The following TRA2B variants were observed in gnomAD, a reference collection of about 807,000 sequenced individuals.
TRA2B encodes the protein transformer-2 protein homolog beta.
A neutral mutation model predicts 41.7 loss-of-function variants in TRA2B; 14 were observed. The observed-to-expected ratio is 0.34, with a 90% CI of 0.22 to 0.53. The LOEUF (loss-of-function observed/expected upper bound fraction) is 0.53, where lower values mean the gene tolerates loss of function less well. Among genes scored for constraint, TRA2B ranks in the 20% least tolerant of loss-of-function variants. The pLI is 0.95. For synonymous variants in TRA2B, 130 were observed against 128.8 expected, an observed-to-expected ratio of 1.01 and a Z score of -0.06; for missense variants, 167 against 396.8, an observed-to-expected ratio of 0.42 and a Z score of 4.92.
rs1375122889 is a variant in TRA2B, at chr3:185,931,886, TA to T, written c.37-5153del. 13 of 1,354,696 alleles carry T rather than the reference TA, an allele frequency of 9.6e-6. No individual in the cohort carries two copies. In the African/African-American group the frequency reaches 1.7e-4, roughly 17 times the overall value. The allele number at this position is 1,354,696 out of a possible 1,614,324, so 83.9% of individuals were successfully genotyped here. A position where few individuals can be genotyped will look rare whatever the true frequency, so the allele number is the denominator to read the frequency against. ...AAAAAGAACAGGATGAAGAATATTT[TA>T]AAACTCCAGGATAAAATCCAGTGCC... On this transcript the variant is annotated intron_variant, in intron 1 of 8. Transcript: ENST00000453386.
At chr3:185,917,794 G>T in intron 8 of TRA2B, 69 bp from the exon 9 acceptor site, 1 of 1,514,950 alleles carries the variant, frequency 6.6e-7, no homozygotes, top group Non-Finnish European at 9.1e-7. Context: ...TTAATGCCGA[G>T]AATTTCAGAA....
intron 1 of TRA2B, 89 bp downstream of exon 1, chr3:185,937,736 C>G (rs1744425391): frequency 1.3e-6 from 2 of 1,580,936 alleles, no homozygotes; most frequent in Non-Finnish European, 1.7e-6. Context: ...CCTAAAACGC[C>G]CCTGCCTCCT....
At chr3:185,921,916 G>A (rs959847298) in intron 5 of TRA2B, 95 bp downstream of exon 5, 8 of 817,780 alleles carry the variant, frequency 9.8e-6, no homozygotes, top group Non-Finnish European at 1.5e-5. Flanking sequence ...CAAGTTTATG[G>A]CACAAACCTA....
chr3:185,917,741 T>C lies in TRA2B; in HGVS notation c.857-16A>G. The C allele has an allele frequency of 6.2e-7, 1 of 1,612,034 alleles. No homozygotes were observed. Among genetic ancestry groups the C allele is most frequent in the East Asian group, 2.2e-5 (1 of 44,828 alleles). On this transcript the variant is annotated splice_polypyrimidine_tract_variant and intron_variant, in intron 8 of 8. Transcript: ENST00000453386. The stretch of plus-strand genomic sequence containing the variant: ...TAATAGCGACCTGGGAAGAAAAGAA[T>C]GAACATGCTTTAATATTAAGTGAAC...
chr3:185,922,237 T>G (rs1743770240), intron 4 of TRA2B, 111 bp from the exon 5 acceptor site: 4 of 651,108 alleles, frequency 6.1e-6, no homozygotes, highest in African/African-American at 5.5e-5. Flanking sequence ...TAAGTTATCT[T>G]AATGTTAGCC....
intron 1 of TRA2B, chr3:185,935,882 G>C: frequency 1.0e-6 from 1 of 985,112 alleles, no homozygotes; most frequent in Non-Finnish European, 1.2e-6. Context: ...GCCAGAAAGC[G>C]AAGACTCTTA....
At chr3:185,936,827 G>C (rs1744378340) in intron 1 of TRA2B, 1 of 985,134 alleles carries the variant, frequency 1.0e-6, no homozygotes, top group Non-Finnish European at 1.2e-6. Context: ...CCAATACCCA[G>C]AGCCCCACAG....
Position 185,934,835 on chromosome 3 carries a change from T to C in TRA2B, c.36+2990A>G, listed in dbSNP as rs1053990461. The C allele has an allele frequency of 4.1e-6, 4 of 985,334 alleles. No homozygotes were observed. The African/African-American group carries it at 5.2e-5, about 13-fold the overall frequency. 61.0% of individuals were successfully genotyped at this position (985,334 alleles called of 1,614,324 possible). On this transcript the variant is annotated intron_variant, in intron 1 of 8. Coordinates refer to ENST00000453386, the MANE Select transcript of TRA2B (RefSeq NM_004593.3). ...TGCTATTCATCTCTAATGATAAAGA[T>C]TACGTGCCTATGTTGCAATCACATC...
intron 2 of TRA2B, among the ~76,000 whole-genome samples, chr3:185,926,045 TTGAC>T (rs1743937291): frequency 6.6e-6 from 1 of 152,176 alleles, no homozygotes. Flanking sequence ...TGAGTGGCTC[TTGAC>T]TAACTAGAGT....
At chr3:185,934,751 A>G in intron 1 of TRA2B, 1 of 985,452 alleles carries the variant, frequency 1.0e-6, no homozygotes, top group Non-Finnish European at 1.2e-6. Context: ...AAGATTCAGC[A>G]GAAGATGAGA....
At chr3:185,925,961 T>C (rs544486209) in intron 2 of TRA2B, among the ~76,000 whole-genome samples, 29 of 152,294 alleles carry the variant, frequency 1.9e-4, no homozygotes, top group Non-Finnish European at 3.1e-4. Flanking sequence ...CTGTCTCCCA[T>C]TATGCCCACC....
intron 1 of TRA2B, chr3:185,937,523 C>A (rs1447824295): frequency 1.1e-5 from 11 of 1,020,556 alleles, no homozygotes; most frequent in Non-Finnish European, 1.4e-5. Flanking sequence ...TCGCTCCCCT[C>A]CCCCAACACC....
rs116501834 is a variant in TRA2B at position 185,937,962 on chromosome 3, G to A, written c.-102C>T. 3,492 of 1,448,516 alleles carry A rather than the reference G, an allele frequency of 2.4e-3. 57 individuals carry two copies. In the African/African-American group the frequency reaches 0.042, roughly 18 times the overall value. The allele number at this position is 1,448,516 out of a possible 1,614,324, so 89.7% of individuals were successfully genotyped here. A position where few individuals can be genotyped will look rare whatever the true frequency, so the allele number is the denominator to read the frequency against. ...CGCCGCAGCCCCGCACGACGCGCCGGTCGCCCAGCCGCTCAGAGCCGAAAT... is the reference window on the plus strand; with the variant it reads ...CGCCGCAGCCCCGCACGACGCGCCGATCGCCCAGCCGCTCAGAGCCGAAAT... On this transcript the variant is annotated 5_prime_UTR_variant, in exon 1 of 9. Coordinates refer to ENST00000453386, the MANE Select transcript of TRA2B (RefSeq NM_004593.3).
chr3:185,925,436 C>G (rs545587273), intron 3 of TRA2B, 28 bp downstream of exon 3: 1 of 1,605,936 alleles, frequency 6.2e-7, no homozygotes. Context: ...AGGCAGTTGA[C>G]TGCTTCAAAA....
At chr3:185,926,499 G>A in intron 2 of TRA2B, 102 bp downstream of exon 2, 1 of 1,463,282 alleles carries the variant, frequency 6.8e-7, no homozygotes, top group Non-Finnish European at 9.3e-7. Context: ...ATATTTAATA[G>A]GCCAACAAAT....
intron 1 of TRA2B, chr3:185,927,098 T>A (rs1743980191): frequency 6.4e-6 from 1 of 155,886 alleles, no homozygotes; most frequent in African/African-American, 2.4e-5. Context: ...ACCTATACTT[T>A]ATACCTATTT....
intron 1 of TRA2B, chr3:185,935,253 C>T: frequency 1.0e-6 from 1 of 985,380 alleles, no homozygotes. Flanking sequence ...AAAACGAGAT[C>T]TTACTTTTGA....
chr3:185,931,008 T>C (rs1744128951), intron 1 of TRA2B, among the ~76,000 whole-genome samples: 1 of 152,282 alleles, frequency 6.6e-6, no homozygotes, highest in South Asian at 2.1e-4. Flanking sequence ...TTAGCAAATA[T>C]GCATCTTAAA....
intron 6 of TRA2B, 113 bp from the exon 7 acceptor site, chr3:185,919,609 G>C: frequency 1.2e-6 from 1 of 830,200 alleles, no homozygotes; most frequent in Non-Finnish European, 1.8e-6. Context: ...GATGTTTCTT[G>C]CAGGTCAAGT....
Sources: allele counts gnomAD v4.1 joint callset (sites outside exome capture counted in the v4.1 genomes callset), GRCh38; gene constraint gnomAD v4.1.1; transcripts MANE v1.5; gene names NCBI Gene and HGNC (gene_info 2026-07-23, HGNC 2026-07-21).